Variants in TPTE2 observed in about 807,000 individuals in gnomAD.
The protein encoded by TPTE2 is transmembrane phosphoinositide 3-phosphatase and tensin homolog 2, also known as phosphatidylinositol 3,4,5-trisphosphate 3-phosphatase TPTE2.
TPTE2 carries 53 observed loss-of-function variants against 78.6 expected under a neutral mutation model. That is an observed-to-expected ratio of 0.67 (90% CI 0.54 to 0.85). TPTE2 has a LOEUF of 0.85. TPTE2 is among the 40% of genes least tolerant of loss of function. The pLI, the probability that TPTE2 is intolerant of heterozygous loss-of-function variation, is 0.00. For synonymous variants in TPTE2, 175 were observed against 206.2 expected, an observed-to-expected ratio of 0.85 and a Z score of 1.30; for missense variants, 461 against 623.0, an observed-to-expected ratio of 0.74 and a Z score of 2.77.
intron 13 of TPTE2, among the ~76,000 whole-genome samples, chr13:19,439,347 GA>G: frequency 6.6e-6 from 1 of 151,974 alleles, no homozygotes; most frequent in South Asian, 2.1e-4. Flanking sequence ...TAGGGCTGCA[GA>G]AGCAAAGCCA....
upstream of TPTE2, among the ~76,000 whole-genome samples, chr13:19,506,643 C>T (rs1248288815): frequency 6.6e-6 from 1 of 152,178 alleles, no homozygotes; most frequent in Non-Finnish European, 1.5e-5. Context: ...CATGAGTCTA[C>T]CTGCCAAGGA....
intron 17 of TPTE2, among the ~76,000 whole-genome samples, chr13:19,430,159 C>T (rs1250838554): frequency 1.3e-5 from 2 of 152,074 alleles, no homozygotes; most frequent in African/African-American, 4.8e-5. Context: ...TAAAAATGAC[C>T]AGATATGTAA....
At chr13:19,502,240 C>T (rs1383861917) in intron 1 of TPTE2, among the ~76,000 whole-genome samples, 3 of 144,994 alleles carry the variant, frequency 2.1e-5, no homozygotes, top group East Asian at 2.0e-4. Context: ...GTCAGTGTGG[C>T]GATTCCTCAG....
At chr13:19,505,235 G>T (rs1369842413), upstream of TPTE2, among the ~76,000 whole-genome samples, 1 of 152,018 alleles carries the variant, frequency 6.6e-6, no homozygotes, top group Admixed American at 6.6e-5. Context: ...CCACCTCCCA[G>T]GTTCAAGCAA....
At chr13:19,492,032 C>T (rs1881020982) in intron 3 of TPTE2, among the ~76,000 whole-genome samples, 1 of 152,192 alleles carries the variant, frequency 6.6e-6, no homozygotes, top group African/African-American at 2.4e-5. Context: ...TTTATTCCTT[C>T]TGTAAAATCT....
chr13:19,436,558 G>A (rs1467556213), intron 14 of TPTE2, among the ~76,000 whole-genome samples: 2 of 152,086 alleles, frequency 1.3e-5, no homozygotes, highest in Non-Finnish European at 2.9e-5. Context: ...GACTACAGGT[G>A]TGTACCACCA....
intron 13 of TPTE2, among the ~76,000 whole-genome samples, chr13:19,449,367 G>C (rs973580911): frequency 2.5e-4 from 38 of 152,036 alleles, no homozygotes; most frequent in Non-Finnish European, 1.0e-4. Flanking sequence ...TAGAGATGGG[G>C]CTTCACCATG....
upstream of TPTE2, among the ~76,000 whole-genome samples, chr13:19,505,301 TG>T (rs1358660762): frequency 2.6e-5 from 4 of 152,056 alleles, no homozygotes; most frequent in African/African-American, 7.2e-5. Flanking sequence ...CCACCACACC[TG>T]GCGAATTTTT....
At chr13:19,478,935 C>T (rs1880142802) in intron 4 of TPTE2, among the ~76,000 whole-genome samples, 1 of 152,082 alleles carries the variant, frequency 6.6e-6, no homozygotes. Context: ...TGCATGTTCT[C>T]ACTCATAGGT....
chr13:19,453,058 A>G (rs1470244467), intron 10 of TPTE2, among the ~76,000 whole-genome samples: 2 of 145,930 alleles, frequency 1.4e-5, no homozygotes, highest in Non-Finnish European at 3.0e-5. Context: ...ATGGAGTTTC[A>G]CTCTTGTTGC....
At chr13:19,524,586 T>C (rs993807467) in intron 1 of TPTE2, among the ~76,000 whole-genome samples, 5 of 152,048 alleles carry the variant, frequency 3.3e-5, no homozygotes, top group African/African-American at 1.2e-4. Context: ...GAAAAAGACA[T>C]AGAAAAATAC....
At chr13:19,434,240 A>C (rs139835215) in intron 15 of TPTE2, among the ~76,000 whole-genome samples, 3,126 of 152,334 alleles carry the variant, frequency 0.021, 119 homozygotes, top group African/African-American at 0.071. Flanking sequence ...AAAGAAACAC[A>C]AAGGGCTCTA....
the TPTE2 span, among the ~76,000 whole-genome samples, chr13:19,561,450 A>G: frequency 1.5e-4 from 23 of 151,994 alleles, no homozygotes; most frequent in Middle Eastern, 3.4e-3. Flanking sequence ...GAAGTTGCCT[A>G]AAGTTGCTAC....
At chr13:19,444,827 T>C (rs960486268) in intron 13 of TPTE2, among the ~76,000 whole-genome samples, 8 of 152,128 alleles carry the variant, frequency 5.3e-5, no homozygotes, top group African/African-American at 1.9e-4. Flanking sequence ...GAAAAATCAA[T>C]GAACAGAATA....
intron 10 of TPTE2, among the ~76,000 whole-genome samples, chr13:19,452,697 C>G (rs1878254562): frequency 6.6e-6 from 1 of 152,042 alleles, no homozygotes; most frequent in South Asian, 2.1e-4. Flanking sequence ...AAATTTAAAA[C>G]TTTGATTTAT....
At chr13:19,442,717 A>C (rs938006463) in intron 13 of TPTE2, among the ~76,000 whole-genome samples, 4 of 152,146 alleles carry the variant, frequency 2.6e-5, no homozygotes, top group Non-Finnish European at 5.9e-5. Flanking sequence ...CAATGTCGGG[A>C]ATAAAAAAGG....
intron 5 of TPTE2, 143 bp downstream of exon 8, chr13:19,475,430 T>G: frequency 1.5e-6 from 1 of 674,816 alleles, no homozygotes. Context: ...TTCACCATGT[T>G]AGCCAGGCTG....
Position 19,479,311 on chromosome 13 carries a change from T to G in TPTE2, c.179+3177A>C, listed in dbSNP as rs181623379. Reference sequence around the variant, plus strand: ...GAAGAAGACAGAAGTAAAGGCAGGTTGCATTTCTTATCTTTCACAGGTACA... The same window carrying G: ...GAAGAAGACAGAAGTAAAGGCAGGTGGCATTTCTTATCTTTCACAGGTACA... On this transcript the variant is annotated intron_variant, in intron 4 of 19. Coordinates refer to ENST00000400230, the Ensembl canonical transcript of TPTE2. 1.8e-3 allele frequency among the ~76,000 whole-genome samples: 269 copies of G among 152,296 alleles called. 1 individual carries two copies. Among genetic ancestry groups the G allele is most frequent in the Middle Eastern group, 6.8e-3 (2 of 294 alleles).
rs191094810 is a variant in TPTE2 at position 19,477,778 on chromosome 13, T to G, written c.180-2155A>C. ...AAGTAAATACACAATTGAGACTTTT[T>G]TGGTTAAAAAAAGTGTACTATGTAA... On this transcript the variant is annotated intron_variant, in intron 4 of 19. Coordinates refer to ENST00000400230, the Ensembl canonical transcript of TPTE2. 2.6e-3 allele frequency among the ~76,000 whole-genome samples: 401 copies of G among 152,312 alleles called. 1 individual carries two copies. The highest frequency in any genetic ancestry group is 5.0e-3 in the Non-Finnish European group (338 of 68,022).
Sources: gnomAD v4.1 joint callset for allele counts (sites outside exome capture counted in the v4.1 genomes callset) on GRCh38, gnomAD v4.1.1 for gene constraint, MANE v1.5 for transcripts, NCBI Gene and HGNC (gene_info 2026-07-23, HGNC 2026-07-21) for gene names.